The following CCDC171 variants were observed in gnomAD, a reference collection of about 807,000 sequenced individuals.
CCDC171 encodes the protein coiled-coil domain-containing protein 171.
CCDC171 carries 177 observed loss-of-function variants against 168.2 expected under a neutral mutation model. The ratio of observed to expected loss-of-function variants is 1.05; its 90% confidence interval spans 0.93 to 1.19. The LOEUF is 1.19. CCDC171 is among the 50% of genes most tolerant of loss of function. CCDC171 has a pLI of 0.00. For synonymous variants in CCDC171, 687 were observed against 540.8 expected (o/e 1.27, Z -3.75); for missense variants, 1,991 against 1,539.0 (o/e 1.29, Z -4.91).
chr9:15,697,314 A>G (rs778325068), intron 11 of CCDC171, among the ~76,000 whole-genome samples: 8 of 152,158 alleles, frequency 5.3e-5, no homozygotes, highest in Non-Finnish European at 1.0e-4. Flanking sequence ...AAGCTAAGAC[A>G]TAATATTAGT....
chr9:15,945,303 A>G (rs1828219084), intron 25 of CCDC171, among the ~76,000 whole-genome samples: 1 of 147,920 alleles, frequency 6.8e-6, no homozygotes, highest in Non-Finnish European at 1.5e-5. Context: ...GGTTGGTTCC[A>G]AGTCTTTGCT....
intron 7 of CCDC171, among the ~76,000 whole-genome samples, chr9:15,632,177 T>G (rs10810412): frequency 1.3e-4 from 19 of 143,686 alleles, no homozygotes; most frequent in African/African-American, 4.0e-4. Context: ...CCAGGGCAAT[T>G]AGGCAGGAGA....
At chr9:15,998,813 C>G (rs758053286) in intron 3 of CCDC171, among the ~76,000 whole-genome samples, 19 of 152,188 alleles carry the variant, frequency 1.2e-4, no homozygotes, top group Non-Finnish European at 2.6e-4. Flanking sequence ...TCCCTTCCCT[C>G]TTTGAAAATT....
chr9:16,082,389 T>A, the CCDC171 span, among the ~76,000 whole-genome samples: 1 of 152,206 alleles, frequency 6.6e-6, no homozygotes, highest in Admixed American at 6.5e-5. Context: ...TTCCAAGTTT[T>A]AGATGTTCGG....
At chr9:15,649,724 GC>G (rs2047351659) in intron 7 of CCDC171, among the ~76,000 whole-genome samples, 1 of 152,168 alleles carries the variant, frequency 6.6e-6, no homozygotes, top group Admixed American at 6.5e-5. Flanking sequence ...AGTTAGAATG[GC>G]AATCATTAAA....
At chr9:15,880,347 A>G (rs1287043313) in intron 24 of CCDC171, among the ~76,000 whole-genome samples, 2 of 152,192 alleles carry the variant, frequency 1.3e-5, no homozygotes, top group Admixed American at 1.3e-4. Flanking sequence ...CAATTGATAA[A>G]TTGTAGTTGT....
intron 1 of CCDC171, among the ~76,000 whole-genome samples, chr9:16,049,441 A>G (rs888732016): frequency 6.6e-6 from 1 of 152,218 alleles, no homozygotes; most frequent in East Asian, 1.9e-4. Flanking sequence ...TCTGCCCTCA[A>G]TGCTGGCAGG....
intron 1 of CCDC171, among the ~76,000 whole-genome samples, chr9:15,562,739 T>C (rs1164570116): frequency 3.9e-5 from 6 of 152,118 alleles, no homozygotes. Context: ...GAACATTTCA[T>C]GTATGTGTTT....
At chr9:15,577,786 A>G (rs2040789666) in intron 3 of CCDC171, among the ~76,000 whole-genome samples, 1 of 152,224 alleles carries the variant, frequency 6.6e-6, no homozygotes, top group Non-Finnish European at 1.5e-5. Flanking sequence ...TGGACAAAGC[A>G]AGGCCCATGG....
intron 7 of CCDC171, among the ~76,000 whole-genome samples, chr9:15,645,520 A>G (rs947196886): frequency 4.6e-5 from 7 of 152,238 alleles, no homozygotes; most frequent in Admixed American, 4.6e-4. Flanking sequence ...ACGAATGGCT[A>G]ACTAGAATAA....
exon 2 of CCDC171, chr9:16,061,311 A>G (rs981271855): frequency 2.6e-5 from 4 of 152,234 alleles, no homozygotes; most frequent in African/African-American, 9.6e-5. Flanking sequence ...CAAGGATTCA[A>G]CTAGAACATC....
chr9:15,618,534 C>T (rs2044263244), intron 6 of CCDC171, among the ~76,000 whole-genome samples: 1 of 152,154 alleles, frequency 6.6e-6, no homozygotes, highest in South Asian at 2.1e-4. Flanking sequence ...GGACGGTTGT[C>T]CTTTCTCACT....
At chr9:15,807,635 G>T (rs2059140159) in intron 21 of CCDC171, among the ~76,000 whole-genome samples, 1 of 151,808 alleles carries the variant, frequency 6.6e-6, no homozygotes, top group Admixed American at 6.6e-5. Context: ...CTCTTCAGTT[G>T]CTCAATTGCC....
At chr9:15,739,262 T>C (rs75919539) in intron 16 of CCDC171, among the ~76,000 whole-genome samples, 4,141 of 152,240 alleles carry the variant, frequency 0.027, 212 homozygotes, top group African/African-American at 0.094. Flanking sequence ...AGGAGCCGGG[T>C]GTTCTACAGA....
At chr9:15,649,962 C>A (rs547829056) in intron 7 of CCDC171, among the ~76,000 whole-genome samples, 15 of 152,164 alleles carry the variant, frequency 9.9e-5, no homozygotes, top group East Asian at 7.7e-4. Context: ...ATGTTTATTG[C>A]GGCACTATTC....
intron 25 of CCDC171, among the ~76,000 whole-genome samples, chr9:15,926,501 C>G (rs1825912010): frequency 6.6e-6 from 1 of 151,514 alleles, no homozygotes. Context: ...TTTTGATGCT[C>G]TTTCTTGACC....
chr9:15,558,319 C>T (rs7856083), intron 1 of CCDC171, among the ~76,000 whole-genome samples: 3 of 152,142 alleles, frequency 2.0e-5, no homozygotes, highest in East Asian at 3.8e-4. Flanking sequence ...ATGGTACCAG[C>T]TCCTCTTTGT....
At chr9:15,907,508 C>G (rs927310807) in intron 24 of CCDC171, among the ~76,000 whole-genome samples, 6 of 152,192 alleles carry the variant, frequency 3.9e-5, no homozygotes, top group East Asian at 1.9e-4. Flanking sequence ...AAAATTAATT[C>G]AAGATGGATT....
At chr9:15,719,378 T>C (rs1321321582) in intron 11 of CCDC171, among the ~76,000 whole-genome samples, 1 of 99,852 alleles carries the variant, frequency 1.0e-5, no homozygotes, top group Non-Finnish European at 1.8e-5. Flanking sequence ...GTTATTGGCC[T>C]TCAAGGCTGG....
Sources: gnomAD v4.1 joint callset for allele counts (sites outside exome capture counted in the v4.1 genomes callset) on GRCh38, gnomAD v4.1.1 for gene constraint, MANE v1.5 for transcripts, NCBI Gene and HGNC (gene_info 2026-07-23, HGNC 2026-07-21) for gene names.